The following ABTB3 variants were observed in gnomAD, a reference collection of about 807,000 sequenced individuals.
ABTB3 encodes ankyrin repeat and BTB domain containing 3, also known as ankyrin repeat- and BTB/POZ domain-containing protein 3.
At chr12:107,604,241 G>T in the ABTB3 span, among the ~76,000 whole-genome samples, 6 of 152,112 alleles carry the variant, frequency 3.9e-5, no homozygotes, top group Admixed American at 3.9e-4. Context: ...TTGAGCTCGA[G>T]TTCGAGATCA....
chr12:107,628,390 G>A, the ABTB3 span, among the ~76,000 whole-genome samples: 4,715 of 152,220 alleles, frequency 0.031, 247 homozygotes, highest in African/African-American at 0.11. Flanking sequence ...TGATCCACCC[G>A]CCTCAGCCTT....
chr12:107,543,338 C>CAAA, the ABTB3 span, among the ~76,000 whole-genome samples: 2 of 78,052 alleles, frequency 2.6e-5, no homozygotes, highest in Non-Finnish European at 5.1e-5. Flanking sequence ...GACTCCATCT[C>CAAA]AAAAAAAAAA....
At chr12:107,567,205 A>G in the ABTB3 span, among the ~76,000 whole-genome samples, 2 of 152,226 alleles carry the variant, frequency 1.3e-5, no homozygotes, top group Non-Finnish European at 2.9e-5. Context: ...TCTGAGTAAC[A>G]TGGTGACAAG....
At chr12:107,414,647 C>T in the ABTB3 span, among the ~76,000 whole-genome samples, 1 of 152,020 alleles carries the variant, frequency 6.6e-6, no homozygotes, top group African/African-American at 2.4e-5. Context: ...TTTGAGGCCA[C>T]ACCTCGTCTG....
At chr12:107,656,696 T>G in the ABTB3 span, among the ~76,000 whole-genome samples, 1 of 152,264 alleles carries the variant, frequency 6.6e-6, no homozygotes, top group Non-Finnish European at 1.5e-5. Flanking sequence ...TATGCTTTTA[T>G]TTTCCACTAA....
At chr12:107,547,444 TC>T in the ABTB3 span, among the ~76,000 whole-genome samples, 1 of 152,222 alleles carries the variant, frequency 6.6e-6, no homozygotes, top group African/African-American at 2.4e-5. Context: ...CCTTCTGGAC[TC>T]AGAGTGTAGT....
At chr12:107,516,119 T>C in the ABTB3 span, among the ~76,000 whole-genome samples, 1 of 151,966 alleles carries the variant, frequency 6.6e-6, no homozygotes, top group Non-Finnish European at 1.5e-5. Flanking sequence ...TCAAAAATAT[T>C]TGAAAAAAAC....
the ABTB3 span, among the ~76,000 whole-genome samples, chr12:107,557,002 A>C: frequency 2.0e-5 from 3 of 151,598 alleles, no homozygotes; most frequent in Non-Finnish European, 1.5e-5. Context: ...ACAGAGTGAG[A>C]CTCTGTCTCA....
the ABTB3 span, among the ~76,000 whole-genome samples, chr12:107,425,685 A>C: frequency 6.6e-6 from 1 of 152,160 alleles, no homozygotes; most frequent in Non-Finnish European, 1.5e-5. Context: ...ACCATATTTC[A>C]TTCAGATCTT....
At chr12:107,585,144 T>G in the ABTB3 span, among the ~76,000 whole-genome samples, 2 of 152,178 alleles carry the variant, frequency 1.3e-5, no homozygotes. Flanking sequence ...GTTTTTCTGC[T>G]CTGGAGTGAA....
At chr12:107,359,074 C>T in the ABTB3 span, among the ~76,000 whole-genome samples, 1 of 152,222 alleles carries the variant, frequency 6.6e-6, no homozygotes, top group Non-Finnish European at 1.5e-5. Flanking sequence ...CAGAGTTGAC[C>T]TGACCTCCTG....
the ABTB3 span, chr12:107,610,209 G>A: frequency 1.2e-6 from 2 of 1,614,200 alleles, no homozygotes; most frequent in African/African-American, 2.7e-5. Flanking sequence ...CTGCTTTTGT[G>A]CATCTCGAAA....
At chr12:107,525,015 T>C in the ABTB3 span, among the ~76,000 whole-genome samples, 1 of 152,200 alleles carries the variant, frequency 6.6e-6, no homozygotes, top group Admixed American at 6.5e-5. Context: ...ACTACATATA[T>C]GATGGTGGTC....
At chr12:107,614,061 C>G in the ABTB3 span, among the ~76,000 whole-genome samples, 3 of 152,154 alleles carry the variant, frequency 2.0e-5, no homozygotes, top group Non-Finnish European at 2.9e-5. Context: ...CGGGTCCTCT[C>G]TAGCCCATCC....
At chr12:107,335,975 C>A in the ABTB3 span, among the ~76,000 whole-genome samples, 1 of 152,160 alleles carries the variant, frequency 6.6e-6, no homozygotes, top group East Asian at 1.9e-4. Flanking sequence ...CTCCTCCTGC[C>A]CCGACAATTG....
At chr12:107,320,725 G>C in the ABTB3 span, 1 of 455,508 alleles carries the variant, frequency 2.2e-6, no homozygotes, top group Non-Finnish European at 4.4e-6. Flanking sequence ...ACAGCTGGTG[G>C]GGGCTGCGGG....
chr12:107,340,396 T>A, the ABTB3 span, among the ~76,000 whole-genome samples: 3 of 152,234 alleles, frequency 2.0e-5, no homozygotes, highest in African/African-American at 7.2e-5. Flanking sequence ...ACACTCACAC[T>A]GTGCAGGGCT....
the ABTB3 span, chr12:107,609,978 A>T: frequency 1.7e-6 from 1 of 589,528 alleles, no homozygotes; most frequent in Non-Finnish European, 3.0e-6. Context: ...TCAGTATGCT[A>T]TGGGAGCACA....
the ABTB3 span, among the ~76,000 whole-genome samples, chr12:107,538,613 C>T: frequency 2.0e-5 from 3 of 152,214 alleles, no homozygotes; most frequent in Non-Finnish European, 4.4e-5. Flanking sequence ...TCCTTCCAGG[C>T]CTCCGTTGTT....
Sources: allele counts gnomAD v4.1 joint callset (sites outside exome capture counted in the v4.1 genomes callset), GRCh38; gene constraint gnomAD v4.1.1; transcripts MANE v1.5; gene names NCBI Gene and HGNC (gene_info 2026-07-23, HGNC 2026-07-21).